Variants in ZDHHC20 observed in about 807,000 individuals in gnomAD.
ZDHHC20 encodes the protein zDHHC palmitoyltransferase 20.
A neutral mutation model predicts 57.8 loss-of-function variants in ZDHHC20; 43 were observed. The observed-to-expected ratio is 0.74, with a 90% CI of 0.58 to 0.96. ZDHHC20 has a LOEUF of 0.96. Among genes scored for constraint, ZDHHC20 ranks in the 40% least tolerant of loss-of-function variants. ZDHHC20 has a pLI of 0.00. For synonymous variants in ZDHHC20, 157 were observed against 153.0 expected, an observed-to-expected ratio of 1.03 and a Z score of -0.19; for missense variants, 391 against 441.1, an observed-to-expected ratio of 0.89 and a Z score of 1.02.
chr13:21,385,906 G>C (rs1222902471), intron 9 of ZDHHC20, among the ~76,000 whole-genome samples: 3 of 152,190 alleles, frequency 2.0e-5, no homozygotes, highest in Admixed American at 2.0e-4. Context: ...ATGGGAGTCA[G>C]GCTGACTTTT....
chr13:21,433,404 T>G (rs1035301850), intron 1 of ZDHHC20, among the ~76,000 whole-genome samples: 1 of 152,024 alleles, frequency 6.6e-6, no homozygotes, highest in South Asian at 2.1e-4. Context: ...GATCATGAGG[T>G]CAGGAGATCG....
chr13:21,375,355 G>A lies in ZDHHC20; in HGVS notation c.*1341C>T, dbSNP rs1871908217. On this transcript the variant is annotated 3_prime_UTR_variant, in exon 13 of 13. Transcript: ENST00000400590. Reference sequence around the variant, plus strand: ...ATCAATTATTTTGGGGGGGGTGTGTGTGTGTGTGTGTCTGTCTGTCTAAAA... The same window carrying A: ...ATCAATTATTTTGGGGGGGGTGTGTATGTGTGTGTGTCTGTCTGTCTAAAA... 1 of 360,426 alleles carries A rather than the reference G, an allele frequency of 2.8e-6. No homozygotes were observed. Among genetic ancestry groups the A allele is most frequent in the South Asian group, 2.1e-5 (1 of 47,898 alleles). The allele number at this position is 360,426 out of a possible 1,614,324, so 22.3% of individuals were successfully genotyped here.
intron 3 of ZDHHC20, among the ~76,000 whole-genome samples, chr13:21,416,026 C>T (rs1238107499): frequency 6.6e-6 from 1 of 151,656 alleles, no homozygotes; most frequent in Non-Finnish European, 1.5e-5. Flanking sequence ...CATGATGAAA[C>T]CCCCGCCTCT....
intron 1 of ZDHHC20, among the ~76,000 whole-genome samples, chr13:21,440,663 A>T (rs919949681): frequency 1.8e-5 from 2 of 110,458 alleles, no homozygotes; most frequent in African/African-American, 5.8e-5. Flanking sequence ...TATATATATG[A>T]CAAAAGAAAG....
chr13:21,415,172 G>A (rs560691509), intron 3 of ZDHHC20, among the ~76,000 whole-genome samples: 2 of 152,274 alleles, frequency 1.3e-5, no homozygotes, highest in South Asian at 4.1e-4. Flanking sequence ...GCTCTGAGTT[G>A]AGGAAATTAT....
At chr13:21,417,061 G>A (rs1186242602) in intron 3 of ZDHHC20, among the ~76,000 whole-genome samples, 2 of 152,142 alleles carry the variant, frequency 1.3e-5, no homozygotes, top group Non-Finnish European at 2.9e-5. Flanking sequence ...TACGAGGTCT[G>A]ATTCTAAGTA....
rs563039240 is a variant in ZDHHC20 at position 21,389,649 on chromosome 13, G to A, written c.728-2015C>T. Among the ~76,000 whole-genome samples the A allele has an allele frequency of 2.0e-5, 3 of 152,166 alleles. No homozygotes were observed. In the East Asian group the frequency reaches 5.8e-4, roughly 29 times the overall value. On this transcript the variant is annotated intron_variant, in intron 8 of 12. Coordinates refer to ENST00000400590, the MANE Select transcript of ZDHHC20 (RefSeq NM_001330059.2). Reference sequence around the variant, plus strand: ...GCCAATCTCTCACATACCTACGGGGGCTGGGCAGGAAACAAAGAAGGCACG... The same window carrying A: ...GCCAATCTCTCACATACCTACGGGGACTGGGCAGGAAACAAAGAAGGCACG...
rs570335231 is a variant in ZDHHC20, at chr13:21,459,080, T to C, written c.92A>G (p.Tyr31Cys). 6.2e-6 allele frequency: 10 copies of C among 1,605,124 alleles called. No homozygotes were observed. Among genetic ancestry groups the C allele is most frequent in the Middle Eastern group, 1.7e-4 (1 of 6,036 alleles). ...FITFVVVWSYYAYVVELCVFT... is the reference protein window; with the variant it reads ...FITFVVVWSYCAYVVELCVFT... ...CACGCAGAGCTCCACCACGTACGCG[T>C]AGTAGGACCAGACGACCACGAAGGT... Residue 31 changes from tyrosine (Y) to cysteine (C), a missense_variant, in exon 1 of 13, where the codon TAC becomes TGC. By Grantham distance (194) the Tyr-to-Cys change is radical. This residue lies in a region of ZDHHC20 where 185 missense variants were observed against 188.0 expected (regional missense o/e 0.98). Transcript: ENST00000400590.
At chr13:21,401,766 C>T in intron 5 of ZDHHC20, 81 bp from the exon 6 acceptor site, 1 of 1,288,500 alleles carries the variant, frequency 7.8e-7, no homozygotes, top group Non-Finnish European at 1.0e-6. Flanking sequence ...TTTTATTTGA[C>T]TTAAAATTCC....
At chr13:21,387,139 T>A (rs999752857) in intron 9 of ZDHHC20, among the ~76,000 whole-genome samples, 2 of 152,212 alleles carry the variant, frequency 1.3e-5, no homozygotes, top group Non-Finnish European at 2.9e-5. Context: ...TTCTTTGATT[T>A]AGGACACAAC....
intron 4 of ZDHHC20, among the ~76,000 whole-genome samples, chr13:21,404,708 C>T (rs1036497133): frequency 2.0e-5 from 3 of 150,674 alleles, no homozygotes; most frequent in East Asian, 2.0e-4. Flanking sequence ...GAGCTGAGAT[C>T]GCGCCACTGC....
chr13:21,417,477 T>C (rs1236874292), intron 3 of ZDHHC20, among the ~76,000 whole-genome samples: 1 of 152,168 alleles, frequency 6.6e-6, no homozygotes, highest in Non-Finnish European at 1.5e-5. Flanking sequence ...TTCACTCTTG[T>C]TGCCCAGGCT....
At chr13:21,436,878 C>T (rs549338668) in intron 1 of ZDHHC20, among the ~76,000 whole-genome samples, 2 of 152,206 alleles carry the variant, frequency 1.3e-5, no homozygotes, top group South Asian at 4.1e-4. Flanking sequence ...TTGTGAATGC[C>T]AAGGAAAAGT....
intron 7 of ZDHHC20, among the ~76,000 whole-genome samples, chr13:21,398,841 C>G (rs1877214244): frequency 6.6e-6 from 1 of 152,154 alleles, no homozygotes; most frequent in South Asian, 2.1e-4. Context: ...ATGGGCTCAG[C>G]CCATGTGAGC....
intron 11 of ZDHHC20, among the ~76,000 whole-genome samples, chr13:21,380,000 A>G (rs919027923): frequency 2.7e-5 from 4 of 150,796 alleles, no homozygotes; most frequent in Non-Finnish European, 3.0e-5. Context: ...TATTTTCAGT[A>G]GAGACGGGGT....
At chr13:21,458,655 T>C (rs1566124942) in intron 1 of ZDHHC20, among the ~76,000 whole-genome samples, 1 of 152,244 alleles carries the variant, frequency 6.6e-6, no homozygotes, top group East Asian at 1.9e-4. Flanking sequence ...AGGAACAGAT[T>C]TGGTTTTTTA....
At chr13:21,436,848 T>C (rs1882600986) in intron 1 of ZDHHC20, among the ~76,000 whole-genome samples, 1 of 152,224 alleles carries the variant, frequency 6.6e-6, no homozygotes, top group South Asian at 2.1e-4. Context: ...GCTAGGCCTC[T>C]TGGGCCAAAG....
At chr13:21,401,781 A>G in intron 5 of ZDHHC20, 96 bp from the exon 6 acceptor site, 1 of 1,116,522 alleles carries the variant, frequency 9.0e-7, no homozygotes. Flanking sequence ...AATTCCCTTT[A>G]CAACTACATC....
chr13:21,402,162 C>A (rs539229587), intron 5 of ZDHHC20, among the ~76,000 whole-genome samples: 2 of 152,024 alleles, frequency 1.3e-5, no homozygotes, highest in South Asian at 4.2e-4. Flanking sequence ...ATACAGATGG[C>A]CCCTATGTTA....
Sources: allele counts gnomAD v4.1 joint callset (sites outside exome capture counted in the v4.1 genomes callset), GRCh38; gene constraint gnomAD v4.1.1; regional missense constraint gnomAD v4.1.1; transcripts MANE v1.5; gene names NCBI Gene and HGNC (gene_info 2026-07-23, HGNC 2026-07-21).